The following SSPN variants were observed in gnomAD, a reference collection of about 807,000 sequenced individuals.
SSPN encodes K-ras oncogene-associated protein.
SSPN carries 15 observed loss-of-function variants against 19.1 expected under a neutral mutation model. That is an observed-to-expected ratio of 0.78 (90% CI 0.52 to 1.21). The LOEUF is 1.21. Among genes scored for constraint, SSPN ranks in the 50% most tolerant of loss-of-function variants. The pLI, the probability that SSPN is intolerant of heterozygous loss-of-function variation, is 0.00. For synonymous variants in SSPN, 147 were observed against 140.3 expected, an observed-to-expected ratio of 1.05 and a Z score of -0.34; for missense variants, 291 against 314.0, an observed-to-expected ratio of 0.93 and a Z score of 0.55.
At chr12:26,138,012 T>G (rs539386916) in intron 1 of SSPN, among the ~76,000 whole-genome samples, 1 of 152,148 alleles carries the variant, frequency 6.6e-6, no homozygotes, top group South Asian at 2.1e-4. Flanking sequence ...CACAGGGGAC[T>G]GGTTCCAGGA....
Position 26,199,344 on chromosome 12 carries a change from A to G in SSPN, c.279+3393A>G, listed in dbSNP as rs990308382. Among the ~76,000 whole-genome samples the G allele has an allele frequency of 3.3e-5, 5 of 152,330 alleles. No homozygotes were observed. In the East Asian group the frequency reaches 9.7e-4, roughly 29 times the overall value. On this transcript the variant is annotated intron_variant, in intron 1 of 2. Transcript: ENST00000242729. ...CCAATCCCCAATCAAAAGATGATTG[A>G]AGTCTTTTTACTTTGATTACAAAAG...
rs549702942 is a variant in SSPN, at chr12:26,131,086, C to A, written c.-31+8934C>A. 1.2e-4 allele frequency among the ~76,000 whole-genome samples: 19 copies of A among 152,304 alleles called. No homozygotes were observed. The East Asian group carries it at 3.7e-3, about 29-fold the overall frequency. ...ATGTGACTAAAAGGAAATGGCTTGT[C>A]CACGTCCTCTTCTTTTTTCATCAGT... On this transcript the variant is annotated intron_variant, in intron 1 of 2. Coordinates refer to the SSPN transcript ENST00000538142.
chr12:26,144,765 G>A lies in SSPN; in HGVS notation c.-31+22613G>A, dbSNP rs555654362. 3.0e-4 allele frequency among the ~76,000 whole-genome samples: 45 copies of A among 152,220 alleles called. No individual in the cohort carries two copies. The East Asian group carries it at 4.4e-3, about 15-fold the overall frequency. On this transcript the variant is annotated intron_variant, in intron 1 of 2. Coordinates refer to the SSPN transcript ENST00000538142. ...GTAAATATTTGTTGAAAGAATAGAT[G>A]GTTTTGTAGCATGATTTTATATTAT...
intron 1 of SSPN, chr12:26,125,969 T>C (rs1321159118): frequency 7.2e-6 from 1 of 139,790 alleles, no homozygotes; most frequent in East Asian, 2.2e-4. Flanking sequence ...ACGCCCGGAG[T>C]GTGCAGAGCC....
rs1304586436 is a variant in SSPN, at chr12:26,233,015, C to T, written c.*1939C>T. ...GTTTCCTACACAAAGAAGAAAATAA[C>T]TGAGAATCTGGAATGTTGTAGTCCA... On this transcript the variant is annotated 3_prime_UTR_variant, in exon 3 of 3. Coordinates refer to ENST00000242729, the MANE Select transcript of SSPN (RefSeq NM_005086.5). This position sits in a 1 kb window ranked among gnomAD's most constrained non-coding sequence, Gnocchi z 4.3. 7.1e-6 allele frequency: 1 copy of T among 140,220 alleles called. No individual in the cohort carries two copies. Among genetic ancestry groups the T allele is most frequent in the East Asian group, 2.3e-4 (1 of 4,418 alleles). The allele number at this position is 140,220 out of a possible 1,614,324, so 8.7% of individuals were successfully genotyped here.
intron 1 of SSPN, among the ~76,000 whole-genome samples, chr12:26,213,764 GTA>G (rs1374771552): frequency 2.0e-5 from 3 of 151,962 alleles, no homozygotes; most frequent in African/African-American, 7.2e-5. Flanking sequence ...ACTAATCACT[GTA>G]TGTCATGTTT....
At chr12:26,218,350 A>T (rs1317069905) in intron 1 of SSPN, among the ~76,000 whole-genome samples, 1 of 3,084 alleles carries the variant, frequency 3.2e-4, no homozygotes, top group Non-Finnish European at 5.5e-4. Flanking sequence ...GGGAGGGGGG[A>T]GGGGGGAGGG....
rs546089864 is a variant in SSPN, at chr12:26,175,761, T to TA, written c.-30-48524dup. 4.7e-3 allele frequency among the ~76,000 whole-genome samples: 711 copies of TA among 150,834 alleles called. 2 individuals carry two copies. The highest frequency in any genetic ancestry group is 0.015 in the African/African-American group (636 of 41,228). Reference sequence around the variant, plus strand: ...ATTCACAGAGCTTACTTGTTAAAAATAAAAAAAATTACAAAAACTGTAATT... The same window carrying TA: ...ATTCACAGAGCTTACTTGTTAAAAATAAAAAAAAATTACAAAAACTGTAATT... On this transcript the variant is annotated intron_variant, in intron 1 of 2. Transcript: ENST00000538142.
At chr12:26,146,232 C>T (rs968358599) in intron 1 of SSPN, among the ~76,000 whole-genome samples, 2 of 152,088 alleles carry the variant, frequency 1.3e-5, no homozygotes, top group African/African-American at 2.4e-5. Flanking sequence ...TGCAACCTGC[C>T]GAGGCAGATG....
At chr12:26,213,305 G>C (rs1162550272) in intron 1 of SSPN, among the ~76,000 whole-genome samples, 1 of 152,028 alleles carries the variant, frequency 6.6e-6, no homozygotes, top group Non-Finnish European at 1.5e-5. Flanking sequence ...ATAACTCTTA[G>C]GTATTTGCAA....
At chr12:26,228,373 CAA>C (rs35945808) in intron 2 of SSPN, among the ~76,000 whole-genome samples, 24 of 115,598 alleles carry the variant, frequency 2.1e-4, no homozygotes, top group African/African-American at 4.2e-4. Context: ...CACTCTGTCT[CAA>C]AAAAAAAAAA....
intron 1 of SSPN, chr12:26,123,540 GA>G: frequency 1.1e-6 from 1 of 909,568 alleles, no homozygotes; most frequent in Non-Finnish European, 1.9e-6. Context: ...CACGGAAAGA[GA>G]TGGGGTGCGG....
At position 26,231,196 on chromosome 12, in the gene SSPN, G is replaced by C. The variant is rs1591900778; in HGVS notation, c.*120G>C. The C allele has an allele frequency of 3.1e-6, 4 of 1,286,256 alleles. No individual in the cohort carries two copies. In the East Asian group the frequency reaches 1.1e-4, roughly 34 times the overall value. 79.7% of individuals were successfully genotyped at this position (1,286,256 alleles called of 1,614,324 possible). On this transcript the variant is annotated 3_prime_UTR_variant, in exon 3 of 3. Transcript: ENST00000242729. ...GACAATAAAAGTCACTCTTCTAATT[G>C]AATATTTTTATATTTTTATGAAACA... is the stretch of plus-strand genomic sequence containing the variant.
intron 1 of SSPN, among the ~76,000 whole-genome samples, chr12:26,138,226 AT>A (rs1944440166): frequency 6.6e-6 from 1 of 152,134 alleles, no homozygotes. Flanking sequence ...CGTTTCACAT[AT>A]TTTTGATCCA....
chr12:26,159,333 A>G (rs1253622683), intron 1 of SSPN, among the ~76,000 whole-genome samples: 1 of 152,262 alleles, frequency 6.6e-6, no homozygotes, highest in African/African-American at 2.4e-5. Flanking sequence ...TTAATACCCT[A>G]GAAACAATGG....
At chr12:26,124,999 A>G in intron 1 of SSPN, 1 of 633,516 alleles carries the variant, frequency 1.6e-6, no homozygotes, top group Non-Finnish European at 2.9e-6. Flanking sequence ...CGCCGGCCCC[A>G]CTGCGCTGGT....
chr12:26,222,016 T>C (rs914232923), intron 1 of SSPN, among the ~76,000 whole-genome samples: 6 of 152,246 alleles, frequency 3.9e-5, no homozygotes, highest in African/African-American at 1.4e-4. Context: ...CATCCTGACT[T>C]GAAAATGCCA....
intron 1 of SSPN, among the ~76,000 whole-genome samples, chr12:26,220,169 C>G (rs890587934): frequency 6.7e-6 from 1 of 149,656 alleles, no homozygotes; most frequent in African/African-American, 2.5e-5. Context: ...TAAAGCCTAC[C>G]CTTCTAAAAC....
chr12:26,217,476 C>A, intron 1 of SSPN, among the ~76,000 whole-genome samples: 2 of 49,944 alleles, frequency 4.0e-5, no homozygotes, highest in Middle Eastern at 4.8e-3. Context: ...AGATTTTGGG[C>A]TGAGACAATG....
Sources: allele counts gnomAD v4.1 joint callset (sites outside exome capture counted in the v4.1 genomes callset), GRCh38; gene constraint gnomAD v4.1.1; non-coding constraint Gnocchi (gnomAD v3.1); transcripts MANE v1.5; gene names NCBI Gene and HGNC (gene_info 2026-07-23, HGNC 2026-07-21).